Variants in PREX2 observed in about 807,000 individuals in gnomAD.
The protein encoded by PREX2 is phosphatidylinositol-3,4,5-trisphosphate dependent Rac exchange factor 2.
PREX2 carries 107 observed loss-of-function variants against 203.2 expected under a neutral mutation model. That is an observed-to-expected ratio of 0.53 (90% CI 0.45 to 0.62). PREX2 has a LOEUF of 0.62. Among genes scored for constraint, PREX2 ranks in the 20% least tolerant of loss-of-function variants. PREX2 has a pLI of 0.00. For missense variants in PREX2, 1,777 were observed against 1,955.9 expected, an observed-to-expected ratio of 0.91 and a Z score of 1.72; for synonymous variants, 672 against 663.6, an observed-to-expected ratio of 1.01 and a Z score of -0.19.
chr8:68,159,639 A>G (rs932329936), intron 35 of PREX2, among the ~76,000 whole-genome samples: 1 of 152,228 alleles, frequency 6.6e-6, no homozygotes, highest in East Asian at 1.9e-4. Context: ...CAGACAAAGT[A>G]CCAGACCAGT....
chr8:68,045,393 T>G (rs1348619233), intron 8 of PREX2, among the ~76,000 whole-genome samples: 1 of 152,058 alleles, frequency 6.6e-6, no homozygotes, highest in African/African-American at 2.4e-5. Context: ...ACATGTGGGA[T>G]TGGGACACAG....
At chr8:68,116,031 T>C (rs1234206799) in intron 26 of PREX2, 99 bp downstream of exon 26, 10 of 1,026,124 alleles carry the variant, frequency 9.7e-6, no homozygotes, top group Non-Finnish European at 1.1e-5. Context: ...TTGTTTTTCT[T>C]TTAATTGGTC....
intron 1 of PREX2, among the ~76,000 whole-genome samples, chr8:67,992,844 C>T (rs189994215): frequency 1.6e-4 from 24 of 152,112 alleles, no homozygotes; most frequent in African/African-American, 4.6e-4. Flanking sequence ...TTTCAGAGGG[C>T]GTAGGGGGTC....
At chr8:68,096,909 C>T (rs1034426624) in intron 21 of PREX2, 108 bp from the exon 22 acceptor site, 1 of 841,974 alleles carries the variant, frequency 1.2e-6, no homozygotes, top group Non-Finnish European at 1.9e-6. Flanking sequence ...TCAGATTTAA[C>T]CATCCCTTAA....
chr8:68,021,914 A>G, intron 3 of PREX2, 122 bp from the exon 4 acceptor site: 1 of 598,874 alleles, frequency 1.7e-6, no homozygotes, highest in Non-Finnish European at 3.0e-6. Context: ...ATAGCTGTAT[A>G]CACGCAGTAT....
chr8:68,045,341 G>T (rs1262027127), intron 8 of PREX2, among the ~76,000 whole-genome samples: 1 of 152,060 alleles, frequency 6.6e-6, no homozygotes, highest in Non-Finnish European at 1.5e-5. Context: ...AAGATGAAAT[G>T]CAGTATACTA....
intron 35 of PREX2, among the ~76,000 whole-genome samples, chr8:68,190,533 A>G (rs1812270188): frequency 1.3e-5 from 2 of 152,232 alleles, no homozygotes; most frequent in Admixed American, 6.5e-5. Flanking sequence ...GATAGAAGCA[A>G]TAGATACTGA....
At chr8:68,176,426 T>A (rs1167530668) in intron 35 of PREX2, among the ~76,000 whole-genome samples, 1 of 152,196 alleles carries the variant, frequency 6.6e-6, no homozygotes, top group Non-Finnish European at 1.5e-5. Context: ...AAGTTAATGA[T>A]GTGGAATTTG....
At chr8:68,118,278 C>A (rs1810697495) in intron 26 of PREX2, among the ~76,000 whole-genome samples, 2 of 151,726 alleles carry the variant, frequency 1.3e-5, no homozygotes, top group Admixed American at 1.3e-4. Flanking sequence ...TGGCGTGAAC[C>A]CTGCAGGCGG....
chr8:68,189,769 T>C (rs554968890), intron 35 of PREX2, among the ~76,000 whole-genome samples: 6 of 152,172 alleles, frequency 3.9e-5, no homozygotes, highest in Non-Finnish European at 8.8e-5. Context: ...CTGAGGGAAC[T>C]GCAGATGGTA....
intron 8 of PREX2, among the ~76,000 whole-genome samples, chr8:68,051,480 T>C (rs545809931): frequency 6.6e-6 from 1 of 152,288 alleles, no homozygotes; most frequent in Non-Finnish European, 1.5e-5. Flanking sequence ...CTTGTTAGGT[T>C]ACAAGTGGTT....
At chr8:68,036,819 T>C (rs1808047775) in intron 6 of PREX2, among the ~76,000 whole-genome samples, 1 of 152,088 alleles carries the variant, frequency 6.6e-6, no homozygotes. Flanking sequence ...GTGGCATGCC[T>C]GTAATCCTAG....
In PREX2 at chr8:68,017,834, T is replaced by C. The variant is rs758886588; in HGVS notation, c.142-12T>C. 6.2e-7 allele frequency: 1 copy of C among 1,608,936 alleles called. No homozygotes were observed. The highest frequency in any genetic ancestry group is 8.5e-7 in the Non-Finnish European group (1 of 1,176,422). On this transcript the variant is annotated splice_polypyrimidine_tract_variant and intron_variant, in intron 1 of 39. Transcript: ENST00000288368. ...TAATGTTACCTTCATAATGTCTTCTTGTTTCATGCAGGCATTCTTACACAG... is the reference window on the plus strand; with the variant it reads ...TAATGTTACCTTCATAATGTCTTCTCGTTTCATGCAGGCATTCTTACACAG...
chr8:68,229,442 T>C (rs6472391), intron 39 of PREX2, among the ~76,000 whole-genome samples: 57,648 of 152,054 alleles, frequency 0.38, 12,041 homozygotes, highest in East Asian at 0.85. Flanking sequence ...CACTTAGAAA[T>C]TTCATCTGCC....
At chr8:68,212,566 A>G (rs1438082778) in intron 37 of PREX2, among the ~76,000 whole-genome samples, 1 of 152,254 alleles carries the variant, frequency 6.6e-6, no homozygotes, top group Non-Finnish European at 1.5e-5. Context: ...AAATCTGATA[A>G]GTAACACAAG....
intron 35 of PREX2, among the ~76,000 whole-genome samples, chr8:68,166,171 G>C (rs1037837215): frequency 2.0e-5 from 3 of 152,170 alleles, no homozygotes; most frequent in Non-Finnish European, 4.4e-5. Flanking sequence ...AAGAGAGAGG[G>C]TTTGAAAAAC....
intron 37 of PREX2, among the ~76,000 whole-genome samples, chr8:68,209,128 A>G (rs1273823701): frequency 6.6e-6 from 1 of 151,964 alleles, no homozygotes; most frequent in Admixed American, 6.6e-5. Context: ...CTGCTTATAA[A>G]AAGAGTGGTG....
chr8:68,067,388 A>G lies in PREX2; in HGVS notation c.1340-1645A>G, dbSNP rs530273926. On this transcript the variant is annotated intron_variant, in intron 11 of 39. Coordinates refer to ENST00000288368, the MANE Select transcript of PREX2 (RefSeq NM_024870.4). ...CTTACCATTTATTTGTGTTTTCTTTAATTTCTTTCATAGTTTGTAGTTTAT... is the reference window on the plus strand; with the variant it reads ...CTTACCATTTATTTGTGTTTTCTTTGATTTCTTTCATAGTTTGTAGTTTAT... Among the ~76,000 whole-genome samples the G allele has an allele frequency of 3.3e-5, 5 of 151,702 alleles. No individual in the cohort carries two copies. In the South Asian group the frequency reaches 8.4e-4, roughly 25 times the overall value.
At chr8:68,172,407 G>T (rs1474522013) in intron 35 of PREX2, among the ~76,000 whole-genome samples, 1 of 152,176 alleles carries the variant, frequency 6.6e-6, no homozygotes, top group Non-Finnish European at 1.5e-5. Context: ...ACAGCACCTC[G>T]TGCCCGAGAG....
Sources: gnomAD v4.1 joint callset for allele counts (sites outside exome capture counted in the v4.1 genomes callset) on GRCh38, gnomAD v4.1.1 for gene constraint, MANE v1.5 for transcripts, NCBI Gene and HGNC (gene_info 2026-07-23, HGNC 2026-07-21) for gene names.